The following ITPKB variants were observed in gnomAD, a reference collection of about 807,000 sequenced individuals.
The protein encoded by ITPKB is IP3 3-kinase B.
ITPKB carries 13 observed loss-of-function variants against 69.4 expected under a neutral mutation model. That is an observed-to-expected ratio of 0.19 (90% CI 0.12 to 0.30). The LOEUF (loss-of-function observed/expected upper bound fraction) is 0.30. Among genes scored for constraint, ITPKB ranks in the 10% least tolerant of loss-of-function variants. The pLI, the probability that ITPKB is intolerant of heterozygous loss-of-function variation, is 1.00. For synonymous variants in ITPKB, 584 were observed against 513.7 expected, an observed-to-expected ratio of 1.14 and a Z score of -1.85; for missense variants, 1,240 against 1,250.5, an observed-to-expected ratio of 0.99 and a Z score of 0.13.
At chr1:226,657,324 T>A (rs1669312258) in intron 2 of ITPKB, 1 of 152,244 alleles carries the variant, frequency 6.6e-6, no homozygotes, top group African/African-American at 2.4e-5. Context: ...GCTTGGCAAA[T>A]TTCATTTTCT....
chr1:226,685,314 A>G lies in ITPKB; in HGVS notation c.1933-36543T>C, dbSNP rs541538644. ...AGTGTTCAGCACCCTGGCTCCACGC[A>G]TGCCCGCTCTGCCCCACCCCTGCCC... On this transcript the variant is annotated intron_variant, in intron 2 of 7. Coordinates refer to ENST00000429204, the MANE Select transcript of ITPKB (RefSeq NM_002221.4). Among the ~76,000 whole-genome samples, 12 of 152,252 alleles carry G rather than the reference A, an allele frequency of 7.9e-5. No individual in the cohort carries two copies. The East Asian group carries it at 9.7e-4, about 12-fold the overall frequency.
At chr1:226,653,639 G>A (rs1669236100) in intron 2 of ITPKB, among the ~76,000 whole-genome samples, 1 of 152,262 alleles carries the variant, frequency 6.6e-6, no homozygotes, top group East Asian at 1.9e-4. Flanking sequence ...CACTTGTGAT[G>A]TTCTTGAGGA....
intron 2 of ITPKB, among the ~76,000 whole-genome samples, chr1:226,712,609 G>A (rs1478865254): frequency 6.6e-6 from 1 of 152,202 alleles, no homozygotes; most frequent in Non-Finnish European, 1.5e-5. Flanking sequence ...GAAGGAAGTG[G>A]GCTGGCATTG....
At chr1:226,649,531 CATGT>C (rs890931121) in intron 2 of ITPKB, among the ~76,000 whole-genome samples, 3 of 147,554 alleles carry the variant, frequency 2.0e-5, no homozygotes, top group Non-Finnish European at 3.0e-5. Flanking sequence ...GTGATGTGTG[CATGT>C]GTGTGCATGC....
chr1:226,660,252 C>T (rs1348190414), intron 2 of ITPKB, among the ~76,000 whole-genome samples: 1 of 152,230 alleles, frequency 6.6e-6, no homozygotes, highest in Non-Finnish European at 1.5e-5. Flanking sequence ...TCTTCGTGGG[C>T]ATCCCCAGTA....
chr1:226,732,058 G>A lies in ITPKB; in HGVS notation c.1932+3469C>T, dbSNP rs1284317711. Among the ~76,000 whole-genome samples, 7 of 125,566 alleles carry A rather than the reference G, an allele frequency of 5.6e-5. 1 individual carries two copies. The highest frequency in any genetic ancestry group is 3.8e-4 in the Admixed American group (4 of 10,606). The allele number at this position is 125,566 out of a possible 152,430, so 82.4% of individuals were successfully genotyped here. ...GATTTTTTACTATGTGTATGAGTTC[G>A]TTTTTCACTCAGAAAAAAAAAAGAC... On this transcript the variant is annotated intron_variant, in intron 2 of 7. Coordinates refer to ENST00000429204, the MANE Select transcript of ITPKB (RefSeq NM_002221.4).
chr1:226,647,052 C>A, intron 4 of ITPKB, 115 bp downstream of exon 4: 1 of 846,908 alleles, frequency 1.2e-6, no homozygotes, highest in Non-Finnish European at 1.9e-6. Context: ...CCAACAGCCT[C>A]CTCAGCCTGC....
intron 7 of ITPKB, among the ~76,000 whole-genome samples, chr1:226,636,474 G>GGAGGCCTGGT (rs1246449313): frequency 2.0e-5 from 3 of 152,246 alleles, no homozygotes; most frequent in Non-Finnish European, 4.4e-5. Flanking sequence ...ATCTGCCTGA[G>GGAGGCCTGGT]GAGGCCTGGT....
rs1439129747 is a variant in ITPKB, at chr1:226,738,262, G to T, written c.-205-599C>A. 1.3e-5 allele frequency among the ~76,000 whole-genome samples: 2 copies of T among 152,220 alleles called. No individual in the cohort carries two copies. The highest frequency in any genetic ancestry group is 1.9e-4 in the East Asian group (1 of 5,180). Reference sequence around the variant, plus strand: ...CCCGCCGTTTACCTTCCTGACCCTAGCCTTGGGGCTGTGTCTCTCGGCCTA... The same window carrying T: ...CCCGCCGTTTACCTTCCTGACCCTATCCTTGGGGCTGTGTCTCTCGGCCTA... On this transcript the variant is annotated intron_variant, in intron 1 of 7. Coordinates refer to ENST00000429204, the MANE Select transcript of ITPKB (RefSeq NM_002221.4). The surrounding 1 kb of genome is among the most constrained non-coding windows in gnomAD (Gnocchi z 4.2).
intron 2 of ITPKB, among the ~76,000 whole-genome samples, chr1:226,690,598 A>T (rs1343540577): frequency 6.6e-6 from 1 of 152,210 alleles, no homozygotes; most frequent in African/African-American, 2.4e-5. Flanking sequence ...GTGGGCAGGG[A>T]GAGTTTCTTC....
At chr1:226,737,999 G>T (rs775059185) in intron 1 of ITPKB, among the ~76,000 whole-genome samples, 1 of 152,188 alleles carries the variant, frequency 6.6e-6, no homozygotes, top group Admixed American at 6.5e-5. Flanking sequence ...CTGTGTGCGG[G>T]GCGCGGCTGA....
intron 2 of ITPKB, among the ~76,000 whole-genome samples, chr1:226,710,420 A>G (rs1180336561): frequency 6.6e-6 from 1 of 152,248 alleles, no homozygotes; most frequent in Non-Finnish European, 1.5e-5. Context: ...CATAAAACGT[A>G]CTAAAATAAA....
chr1:226,670,737 C>T (rs981673180), intron 2 of ITPKB, among the ~76,000 whole-genome samples: 8 of 152,220 alleles, frequency 5.3e-5, no homozygotes, highest in South Asian at 2.1e-4. Flanking sequence ...ACCCTTTGCT[C>T]TCATTTCTCA....
intron 2 of ITPKB, among the ~76,000 whole-genome samples, chr1:226,694,562 C>A (rs1429745772): frequency 1.3e-5 from 2 of 152,192 alleles, no homozygotes; most frequent in African/African-American, 4.8e-5. Flanking sequence ...CTCATTTGAG[C>A]CTCCAAGTCA....
chr1:226,640,035 C>T (rs929096852), intron 5 of ITPKB, among the ~76,000 whole-genome samples: 1 of 152,234 alleles, frequency 6.6e-6, no homozygotes, highest in Non-Finnish European at 1.5e-5. Flanking sequence ...CTCTGGGGCC[C>T]GGGCCCTGGA....
intron 2 of ITPKB, among the ~76,000 whole-genome samples, chr1:226,671,800 G>T (rs1669623305): frequency 6.6e-6 from 1 of 152,212 alleles, no homozygotes; most frequent in South Asian, 2.1e-4. Flanking sequence ...TGAGACAGGT[G>T]TGTGGGCAGC....
At chr1:226,672,561 A>G (rs936769639) in intron 2 of ITPKB, among the ~76,000 whole-genome samples, 1 of 152,194 alleles carries the variant, frequency 6.6e-6, no homozygotes, top group Non-Finnish European at 1.5e-5. Flanking sequence ...TGGCTCAGAT[A>G]TTAGGTCGAC....
chr1:226,710,360 G>A (rs1465332590), intron 2 of ITPKB, among the ~76,000 whole-genome samples: 1 of 152,240 alleles, frequency 6.6e-6, no homozygotes, highest in Non-Finnish European at 1.5e-5. Flanking sequence ...TCAGGGCCCA[G>A]TGCAAAGTAA....
Position 226,737,246 on chromosome 1 carries a change from G to T in ITPKB, c.213C>A (p.Ser71Arg). 6.4e-7 allele frequency: 1 copy of T among 1,555,476 alleles called. No individual in the cohort carries two copies. The change falls in exon 2 of 8, where the codon AGC becomes AGA. Residue 71 changes from serine (S) to arginine (R), a missense_variant. This residue lies in a region of ITPKB where 992 missense variants were observed against 853.8 expected (regional missense o/e 1.16). Coordinates refer to ENST00000429204, the MANE Select transcript of ITPKB (RefSeq NM_002221.4). ...AESLSPEEPR[S>R]PGGWRSGRRR... ...GCCGGCCGCTCCGCCAGCCCCCGGG[G>T]CTCCGGGGCTCCTCGGGGGACAGCG...
Sources: allele counts gnomAD v4.1 joint callset (sites outside exome capture counted in the v4.1 genomes callset), GRCh38; gene constraint gnomAD v4.1.1; regional missense constraint gnomAD v4.1.1; non-coding constraint Gnocchi (gnomAD v3.1); transcripts MANE v1.5; gene names NCBI Gene and HGNC (gene_info 2026-07-23, HGNC 2026-07-21).